The following GTF2A1L variants were observed in gnomAD, a reference collection of about 807,000 sequenced individuals.
The protein encoded by GTF2A1L is general transcription factor IIA subunit 1 like.
Under a neutral mutation model 49.7 loss-of-function variants are expected in GTF2A1L, and 48 were observed. The observed-to-expected ratio is 0.97, with a 90% CI of 0.77 to 1.23. GTF2A1L has a LOEUF of 1.23. Ranked by LOEUF, GTF2A1L falls within the 50% of genes most tolerant of loss-of-function variation. The pLI, the probability that GTF2A1L is intolerant of heterozygous loss-of-function variation, is 0.00. For synonymous variants in GTF2A1L, 246 were observed against 193.5 expected (o/e 1.27, Z -2.25); for missense variants, 736 against 564.8 (o/e 1.30, Z -3.07).
intron 6 of GTF2A1L, among the ~76,000 whole-genome samples, chr2:48,652,730 T>C (rs1677924527): frequency 6.6e-6 from 1 of 151,146 alleles, no homozygotes; most frequent in African/African-American, 2.4e-5. Flanking sequence ...AGTCTCGCTC[T>C]GTCGCCCAGA....
In GTF2A1L at chr2:48,642,461, T is replaced by C. The variant is rs1677252241; in HGVS notation, c.303+4T>C. Reference sequence around the variant, plus strand: ...AAGTTTTACCACAGCAGAACTGGTATGTAGCTTACTTAAAATATATTTTAA... The same window carrying C: ...AAGTTTTACCACAGCAGAACTGGTACGTAGCTTACTTAAAATATATTTTAA... On this transcript the variant is annotated splice_donor_region_variant and intron_variant, in intron 4 of 8. Transcript: ENST00000403751. 4 of 1,576,642 alleles carry C rather than the reference T, an allele frequency of 2.5e-6. No homozygotes were observed. Among genetic ancestry groups the C allele is most frequent in the Non-Finnish European group, 3.5e-6 (4 of 1,154,882 alleles).
intron 3 of GTF2A1L, among the ~76,000 whole-genome samples, chr2:48,633,963 G>C (rs1435060348): frequency 6.6e-6 from 1 of 151,422 alleles, no homozygotes; most frequent in East Asian, 1.9e-4. Context: ...CTCTTTTTTT[G>C]TTTTCTATTT....
At chr2:48,635,562 C>G (rs1676840725) in intron 3 of GTF2A1L, among the ~76,000 whole-genome samples, 1 of 152,006 alleles carries the variant, frequency 6.6e-6, no homozygotes, top group Admixed American at 6.6e-5. Flanking sequence ...AGTCTCATTG[C>G]CCAGGAGAGA....
At chr2:48,672,680 C>T (rs1572779560) in intron 8 of GTF2A1L, among the ~76,000 whole-genome samples, 1 of 152,130 alleles carries the variant, frequency 6.6e-6, no homozygotes, top group African/African-American at 2.4e-5. Flanking sequence ...AAAAATAATA[C>T]TGCTTTTTAA....
rs761726926 is a variant in GTF2A1L at position 48,679,444 on chromosome 2, C to A, written c.*2C>A. ...GCCATTGGTGATGCAGAGTGGTAAA[C>A]CTTGTGAGCTCAGTACATCTATTTT... On this transcript the variant is annotated 3_prime_UTR_variant, in exon 9 of 9. Transcript: ENST00000403751. 1.3e-5 allele frequency: 21 copies of A among 1,611,852 alleles called. No homozygotes were observed. Among genetic ancestry groups the A allele is most frequent in the Non-Finnish European group, 1.8e-5 (21 of 1,178,762 alleles).
intron 8 of GTF2A1L, among the ~76,000 whole-genome samples, chr2:48,673,464 AG>A (rs1294390985): frequency 6.6e-6 from 1 of 151,032 alleles, no homozygotes; most frequent in Non-Finnish European, 1.5e-5. Context: ...CCGGGTTCAA[AG>A]GATCTTCCTG....
intron 8 of GTF2A1L, among the ~76,000 whole-genome samples, chr2:48,672,683 C>T (rs996184485): frequency 1.3e-5 from 2 of 152,054 alleles, no homozygotes; most frequent in African/African-American, 2.4e-5. Context: ...AATAATACTG[C>T]TTTTTAAAAA....
intron 3 of GTF2A1L, chr2:48,632,916 G>T: frequency 1.2e-5 from 3 of 246,658 alleles, no homozygotes; most frequent in South Asian, 1.1e-4. Context: ...CCATCCTCAT[G>T]GTAGAGCAAC....
Position 48,628,794 on chromosome 2 carries a change from C to T in GTF2A1L, c.247+7504C>T, listed in dbSNP as rs1676426443. On this transcript the variant is annotated intron_variant, in intron 3 of 8. Coordinates refer to ENST00000403751, the MANE Select transcript of GTF2A1L (RefSeq NM_006872.5). ...TTAGTTATAAATTATTTTCCAAGGCCGATTTCTAGAATGGTGTTTCCTAGG... is the reference window on the plus strand; with the variant it reads ...TTAGTTATAAATTATTTTCCAAGGCTGATTTCTAGAATGGTGTTTCCTAGG... Among the ~76,000 whole-genome samples, 2 of 143,762 alleles carry T rather than the reference C, an allele frequency of 1.4e-5. 1 individual carries two copies. The allele number at this position is 143,762 out of a possible 152,430, so 94.3% of individuals were successfully genotyped here. A position where few individuals can be genotyped will look rare whatever the true frequency, so the allele number is the denominator to read the frequency against.
chr2:48,619,217 C>G (rs998150025), intron 1 of GTF2A1L, among the ~76,000 whole-genome samples: 2 of 151,956 alleles, frequency 1.3e-5, no homozygotes, highest in African/African-American at 4.8e-5. Context: ...ACCTGTAATC[C>G]CAGCACCTTG....
In GTF2A1L at chr2:48,620,779, GAATAAATAAATAAATA is replaced by G. The variant is rs4034706; in HGVS notation, c.22-45_22-30del. The G allele has an allele frequency of 9.0e-5, 55 of 609,574 alleles. 1 individual carries two copies. The highest frequency in any genetic ancestry group is 7.6e-4 in the Middle Eastern group (1 of 1,324). 37.8% of individuals were successfully genotyped at this position (609,574 alleles called of 1,614,324 possible). A position where few individuals can be genotyped will look rare whatever the true frequency, so the allele number is the denominator to read the frequency against. The stretch of plus-strand genomic sequence containing the variant: ...GCAACAGAGCATGACTCCATCTCAA[GAATAAATAAATAAATA>G]AATAAATAAATAAATAAATAAATAA... On this transcript the variant is annotated intron_variant, in intron 1 of 8. Transcript: ENST00000403751.
intron 3 of GTF2A1L, among the ~76,000 whole-genome samples, chr2:48,622,749 A>T (rs1376147322): frequency 6.6e-6 from 1 of 151,250 alleles, no homozygotes; most frequent in South Asian, 2.1e-4. Flanking sequence ...CAGGATAATC[A>T]CTTGAACTTG....
intron 7 of GTF2A1L, among the ~76,000 whole-genome samples, chr2:48,670,550 C>T (rs1679113848): frequency 6.6e-6 from 1 of 152,074 alleles, no homozygotes; most frequent in African/African-American, 2.4e-5. Flanking sequence ...TAGGTAGAAA[C>T]ATATAGTATC....
In GTF2A1L at chr2:48,617,868, T is replaced by G. The variant is rs1675746559; in HGVS notation, c.-7T>G. The G allele has an allele frequency of 6.4e-7, 1 of 1,551,744 alleles. No individual in the cohort carries two copies. Among genetic ancestry groups the G allele is most frequent in the Non-Finnish European group, 8.7e-7 (1 of 1,147,020 alleles). On this transcript the variant is annotated 5_prime_UTR_variant, in exon 1 of 9. Transcript: ENST00000403751. ...GGCGCAAAGGGCCAGGTGCTGGAGGTGCTGTCATGGCCTGCCTCAACCCGG... is the reference window on the plus strand; with the variant it reads ...GGCGCAAAGGGCCAGGTGCTGGAGGGGCTGTCATGGCCTGCCTCAACCCGG...
intron 6 of GTF2A1L, among the ~76,000 whole-genome samples, chr2:48,662,043 C>G (rs1558758597): frequency 6.6e-6 from 1 of 152,002 alleles, no homozygotes; most frequent in Non-Finnish European, 1.5e-5. Flanking sequence ...TGTGTACATT[C>G]TATAGATATT....
At chr2:48,624,444 A>G (rs1414260800) in intron 3 of GTF2A1L, among the ~76,000 whole-genome samples, 1 of 116,942 alleles carries the variant, frequency 8.6e-6, no homozygotes, top group African/African-American at 2.7e-5. Flanking sequence ...TAAGGTGTTC[A>G]CCATAGTGCT....
intron 3 of GTF2A1L, among the ~76,000 whole-genome samples, chr2:48,641,975 A>G (rs1190552225): frequency 6.6e-6 from 1 of 152,222 alleles, no homozygotes; most frequent in East Asian, 1.9e-4. Context: ...AACTTTTCAT[A>G]AAATAATGAA....
chr2:48,660,952 T>G (rs545535344), intron 6 of GTF2A1L, among the ~76,000 whole-genome samples: 256 of 152,272 alleles, frequency 1.7e-3, no homozygotes, highest in Middle Eastern at 6.8e-3. Flanking sequence ...TCATTGATAA[T>G]TTTAGTTGAG....
In GTF2A1L at chr2:48,661,247, C is replaced by CTTTTTTTTTTTTTTTTTT. The variant is rs70946820; in HGVS notation, c.979-8464_979-8447dup. Among the ~76,000 whole-genome samples the CTTTTTTTTTTTTTTTTTT allele has an allele frequency of 3.2e-5, 2 of 62,750 alleles. 1 individual carries two copies. Among genetic ancestry groups the CTTTTTTTTTTTTTTTTTT allele is most frequent in the African/African-American group, 1.5e-4 (2 of 12,906 alleles). 41.2% of individuals were successfully genotyped at this position (62,750 alleles called of 152,430 possible). A position where few individuals can be genotyped will look rare whatever the true frequency, so the allele number is the denominator to read the frequency against. The stretch of plus-strand genomic sequence containing the variant: ...CCATTGTTTTCACTGCATCCCCAAA[C>CTTTTTTTTTTTTTTTTTT]TTTTTTTTTTTTTTTTTTTTTTTTT... On this transcript the variant is annotated intron_variant, in intron 6 of 8. Transcript: ENST00000403751.
Sources: gnomAD v4.1 joint callset for allele counts (sites outside exome capture counted in the v4.1 genomes callset) on GRCh38, gnomAD v4.1.1 for gene constraint, MANE v1.5 for transcripts, NCBI Gene and HGNC (gene_info 2026-07-23, HGNC 2026-07-21) for gene names.